Variants in GALNT9 observed in about 807,000 individuals in gnomAD.
GALNT9 encodes the protein GalNAc transferase 9.
A neutral mutation model predicts 63.1 loss-of-function variants in GALNT9; 47 were observed. That is an observed-to-expected ratio of 0.75 (90% CI 0.59 to 0.95). GALNT9 has a LOEUF of 0.95. Ranked by LOEUF, GALNT9 falls within the 40% of genes least tolerant of loss-of-function variation. GALNT9 has a pLI of 0.00. For synonymous variants in GALNT9, 396 were observed against 365.7 expected, an observed-to-expected ratio of 1.08 and a Z score of -0.94; for missense variants, 829 against 874.8, an observed-to-expected ratio of 0.95 and a Z score of 0.66.
intron 6 of GALNT9, among the ~76,000 whole-genome samples, chr12:132,239,067 A>G (rs1388030965): frequency 6.6e-6 from 1 of 152,086 alleles, no homozygotes; most frequent in Non-Finnish European, 1.5e-5. Context: ...TCTTGAAATA[A>G]TCAGAAAGCT....
chr12:132,207,550 TG>T (rs909481067), intron 6 of GALNT9, among the ~76,000 whole-genome samples: 11 of 152,140 alleles, frequency 7.2e-5, no homozygotes, highest in African/African-American at 2.7e-4. Context: ...GGCCCCTTCT[TG>T]GGTGAATGCA....
At chr12:132,290,444 G>A (rs1880765200) in intron 1 of GALNT9, among the ~76,000 whole-genome samples, 2 of 152,146 alleles carry the variant, frequency 1.3e-5, no homozygotes, top group Admixed American at 6.5e-5. Context: ...CACCCAACAG[G>A]CTGTTCTCTG....
chr12:132,250,429 T>A (rs781942777), intron 5 of GALNT9, among the ~76,000 whole-genome samples: 12 of 152,180 alleles, frequency 7.9e-5, no homozygotes, highest in Non-Finnish European at 1.8e-4. Context: ...TGTGGTTGAT[T>A]TGTGTTATAT....
chr12:132,204,701 C>A (rs570578444), intron 6 of GALNT9, among the ~76,000 whole-genome samples: 1 of 152,260 alleles, frequency 6.6e-6, no homozygotes, highest in Non-Finnish European at 1.5e-5. Flanking sequence ...AATCTGTTTC[C>A]CTGGAGAGCC....
Position 132,270,012 on chromosome 12 carries a change from T to C in GALNT9, c.420-7387A>G, listed in dbSNP as rs569421716. On this transcript the variant is annotated intron_variant, in intron 2 of 10. Coordinates refer to ENST00000328957, the MANE Select transcript of GALNT9 (RefSeq NM_001122636.2). Reference sequence around the variant, plus strand: ...TCCAGCTCTGTCTCAGGAGCCACGCTCTGGAAGAAACTCTTCAAAGAAAAC... The same window carrying C: ...TCCAGCTCTGTCTCAGGAGCCACGCCCTGGAAGAAACTCTTCAAAGAAAAC... Among the ~76,000 whole-genome samples the C allele has an allele frequency of 6.6e-5, 10 of 152,304 alleles. No individual in the cohort carries two copies. The South Asian group carries it at 1.9e-3, about 28-fold the overall frequency.
intron 2 of GALNT9, among the ~76,000 whole-genome samples, chr12:132,268,274 C>T (rs560237640): frequency 9.2e-5 from 14 of 152,126 alleles, no homozygotes; most frequent in African/African-American, 2.2e-4. Context: ...CCCCTACACA[C>T]GCACGCACAC....
chr12:132,262,978 C>A (rs1555239913), intron 2 of GALNT9, among the ~76,000 whole-genome samples: 1 of 150,742 alleles, frequency 6.6e-6, no homozygotes, highest in Non-Finnish European at 1.5e-5. Flanking sequence ...CTGTGCCCAC[C>A]CCGTGCTCAC....
At chr12:132,320,296 C>T (rs373930721) in intron 1 of GALNT9, among the ~76,000 whole-genome samples, 3 of 152,368 alleles carry the variant, frequency 2.0e-5, no homozygotes, top group East Asian at 3.9e-4. Flanking sequence ...GACCTCACTT[C>T]CCGGGTTCCG....
intron 6 of GALNT9, among the ~76,000 whole-genome samples, chr12:132,239,031 G>A (rs1878104717): frequency 1.3e-5 from 2 of 152,180 alleles, no homozygotes; most frequent in Admixed American, 1.3e-4. Context: ...CATCAGAGGT[G>A]CTCTAGAACC....
chr12:132,259,005 C>T (rs929580147), intron 4 of GALNT9, among the ~76,000 whole-genome samples: 15 of 152,210 alleles, frequency 9.9e-5, no homozygotes, highest in Non-Finnish European at 1.9e-4. Flanking sequence ...GCCTGTGAGA[C>T]CACACGGCTG....
chr12:132,322,079 T>C (rs1214677516), intron 1 of GALNT9, among the ~76,000 whole-genome samples: 1 of 152,160 alleles, frequency 6.6e-6, no homozygotes, highest in Non-Finnish European at 1.5e-5. Context: ...CAGTCCTGGC[T>C]GAGGGCATCT....
chr12:132,300,997 A>G (rs1388330392), intron 1 of GALNT9, among the ~76,000 whole-genome samples: 1 of 152,272 alleles, frequency 6.6e-6, no homozygotes, highest in Non-Finnish European at 1.5e-5. Flanking sequence ...ACAGCACAGC[A>G]CTGACCGTTC....
intron 6 of GALNT9, among the ~76,000 whole-genome samples, chr12:132,212,938 C>T (rs1033988293): frequency 7.4e-6 from 1 of 135,062 alleles, no homozygotes; most frequent in Non-Finnish European, 1.6e-5. Context: ...AAACCCCACC[C>T]GGGTCTGCAG....
At chr12:132,206,966 G>GA (rs1876735116) in intron 6 of GALNT9, among the ~76,000 whole-genome samples, 1 of 152,246 alleles carries the variant, frequency 6.6e-6, no homozygotes, top group African/African-American at 2.4e-5. Context: ...TTGGGAGGCT[G>GA]AGGCGGGAGG....
At position 132,252,310 on chromosome 12, in the gene GALNT9, AT is replaced by A. The variant is rs1281994135; in HGVS notation, c.960-4284del. Among the ~76,000 whole-genome samples the A allele has an allele frequency of 1.3e-5, 2 of 152,198 alleles. No individual in the cohort carries two copies. The highest frequency in any genetic ancestry group is 4.8e-5 in the African/African-American group (2 of 41,466). ...GCACATGGGCACCTCCTGCAGCCGC[AT>A]CCCCGCCACGACTGAAGCCTTCGTG... On this transcript the variant is annotated intron_variant, in intron 5 of 10. Coordinates refer to ENST00000328957, the MANE Select transcript of GALNT9 (RefSeq NM_001122636.2). This position sits in a 1 kb window ranked among gnomAD's most constrained non-coding sequence, Gnocchi z 5.2.
Position 132,327,988 on chromosome 12 carries a change from TCTGGAGGA to T in GALNT9, c.238+970_238+977del, listed in dbSNP as rs1555246637. On this transcript the variant is annotated intron_variant, in intron 1 of 10. Transcript: ENST00000328957. This position sits in a 1 kb window ranked among gnomAD's most constrained non-coding sequence, Gnocchi z 4.3. ...CCACTCGAGCCTGTTACGGATGCTT[TCTGGAGGA>T]GGTTTGCTGGGGCTGCCAAGGCAGA... is the stretch of plus-strand genomic sequence containing the variant. Among the ~76,000 whole-genome samples the T allele has an allele frequency of 6.6e-6, 1 of 152,080 alleles. No individual in the cohort carries two copies. Among genetic ancestry groups the T allele is most frequent in the Non-Finnish European group, 1.5e-5 (1 of 67,996 alleles).
At chr12:132,267,282 G>A (rs1437840138) in intron 2 of GALNT9, among the ~76,000 whole-genome samples, 1 of 152,122 alleles carries the variant, frequency 6.6e-6, no homozygotes, top group Non-Finnish European at 1.5e-5. Context: ...GGTGGATGGG[G>A]TGGGCTCCAA....
At chr12:132,243,608 C>G (rs2136905776) in intron 6 of GALNT9, among the ~76,000 whole-genome samples, 3 of 152,166 alleles carry the variant, frequency 2.0e-5, no homozygotes, top group East Asian at 1.9e-4. Flanking sequence ...CTATTTCTCC[C>G]GCCTCTGTCA....
chr12:132,253,879 G>T (rs1408821614), intron 5 of GALNT9, among the ~76,000 whole-genome samples: 1 of 152,200 alleles, frequency 6.6e-6, no homozygotes, highest in African/African-American at 2.4e-5. Flanking sequence ...CAGAAGCCTG[G>T]GTGGCAGCTG....
Sources: gnomAD v4.1 joint callset for allele counts (sites outside exome capture counted in the v4.1 genomes callset) on GRCh38, gnomAD v4.1.1 for gene constraint, Gnocchi (gnomAD v3.1) non-coding constraint, MANE v1.5 for transcripts, NCBI Gene and HGNC (gene_info 2026-07-23, HGNC 2026-07-21) for gene names.